The following PRDM5 variants were observed in gnomAD, a reference collection of about 807,000 sequenced individuals.
PRDM5 encodes PR domain zinc finger protein 5.
In PRDM5, 56 loss-of-function variants were observed where a neutral mutation model predicts 81.2. That is an observed-to-expected ratio of 0.69 (90% CI 0.56 to 0.86). PRDM5 has a LOEUF of 0.86. Among genes scored for constraint, PRDM5 ranks in the 40% least tolerant of loss-of-function variants. PRDM5 has a pLI of 0.00. For synonymous variants in PRDM5, 267 were observed against 256.4 expected, an observed-to-expected ratio of 1.04 and a Z score of -0.39; for missense variants, 697 against 770.1, an observed-to-expected ratio of 0.91 and a Z score of 1.12.
Position 120,733,185 on chromosome 4 carries a change from ATTG to A in PRDM5, c.1623+21365_1623+21367del, listed in dbSNP as rs777254011. 9.2e-5 allele frequency among the ~76,000 whole-genome samples: 14 copies of A among 152,292 alleles called. No homozygotes were observed. In the East Asian group the frequency reaches 1.5e-3, roughly 17 times the overall value. On this transcript the variant is annotated intron_variant, in intron 14 of 15. Coordinates refer to ENST00000264808, the MANE Select transcript of PRDM5 (RefSeq NM_018699.4). ...CAGTAAAGAGGGAACACCTAGTCTT[ATTG>A]TTCATTTTATTACTCCATTCTCTCA... is the stretch of plus-strand genomic sequence containing the variant.
rs1734359991 is a variant in PRDM5 at position 120,695,078 on chromosome 4, C to T, written c.*33G>A. 1 of 1,598,994 alleles carries T rather than the reference C, an allele frequency of 6.3e-7. No homozygotes were observed. The highest frequency in any genetic ancestry group is 1.1e-5 in the South Asian group (1 of 90,738). The stretch of plus-strand genomic sequence containing the variant: ...AAATCTGGGATTCATATTAGGAGCC[C>T]TTCTGAATAGTTTAATTCCTTTACA... On this transcript the variant is annotated 3_prime_UTR_variant, in exon 16 of 16. Transcript: ENST00000264808.
At chr4:120,747,842 C>T (rs1410501343) in intron 14 of PRDM5, among the ~76,000 whole-genome samples, 1 of 152,184 alleles carries the variant, frequency 6.6e-6, no homozygotes, top group Non-Finnish European at 1.5e-5. Context: ...AAACTTGAAA[C>T]CTGTATAAGT....
At chr4:120,744,249 C>A (rs562435461) in intron 14 of PRDM5, among the ~76,000 whole-genome samples, 4 of 152,126 alleles carry the variant, frequency 2.6e-5, no homozygotes, top group Admixed American at 2.0e-4. Flanking sequence ...AAAGACACAA[C>A]TTACCAGAAT....
intron 2 of PRDM5, among the ~76,000 whole-genome samples, chr4:120,854,136 T>C (rs1325635773): frequency 2.0e-5 from 3 of 152,212 alleles, no homozygotes; most frequent in African/African-American, 7.2e-5. Context: ...TGGTGGGCTC[T>C]CTGATTTTTG....
At chr4:120,766,910 A>G (rs937269298) in intron 13 of PRDM5, among the ~76,000 whole-genome samples, 20 of 152,330 alleles carry the variant, frequency 1.3e-4, no homozygotes, top group African/African-American at 4.8e-4. Flanking sequence ...GAATGAATGG[A>G]CTTTAGAAGG....
At chr4:120,738,593 T>C (rs1741451857) in intron 14 of PRDM5, among the ~76,000 whole-genome samples, 1 of 152,188 alleles carries the variant, frequency 6.6e-6, no homozygotes, top group African/African-American at 2.4e-5. Flanking sequence ...CAACTGATAG[T>C]ATATTTTTTT....
chr4:120,736,310 A>G (rs1741122983), intron 14 of PRDM5, among the ~76,000 whole-genome samples: 1 of 151,872 alleles, frequency 6.6e-6, no homozygotes, highest in South Asian at 2.1e-4. Flanking sequence ...GCTATTGTGA[A>G]TAGTGCTGCA....
chr4:120,699,157 T>C (rs1560888866), intron 15 of PRDM5, among the ~76,000 whole-genome samples: 1 of 82,882 alleles, frequency 1.2e-5, no homozygotes, highest in Non-Finnish European at 2.3e-5. Context: ...TTATAGGAAA[T>C]ATAAATATAT....
chr4:120,734,481 C>T (rs1465220607), intron 14 of PRDM5, among the ~76,000 whole-genome samples: 1 of 151,892 alleles, frequency 6.6e-6, no homozygotes, highest in African/African-American at 2.4e-5. Flanking sequence ...GCCTGGCAAA[C>T]ACTAGCCTAA....
At chr4:120,792,448 AC>A (rs1351545624) in intron 10 of PRDM5, among the ~76,000 whole-genome samples, 2 of 152,124 alleles carry the variant, frequency 1.3e-5, no homozygotes, top group Non-Finnish European at 2.9e-5. Flanking sequence ...AACTATTGGA[AC>A]CCCTGTATAC....
chr4:120,686,388 G>A (rs1733833898), intron 1 of PRDM5, among the ~76,000 whole-genome samples: 1 of 152,050 alleles, frequency 6.6e-6, no homozygotes, highest in Non-Finnish European at 1.5e-5. Flanking sequence ...TAAAATTGAT[G>A]TGTTACATTG....
rs556210559 is a variant in PRDM5 at position 120,693,951 on chromosome 4, G to A, written c.*1160C>T. ...AATATAACCTAAAGGAAGAAATTAT[G>A]CTTCTTGCTTCAATTTCCCTTAAGC... On this transcript the variant is annotated 3_prime_UTR_variant, in exon 16 of 16. Coordinates refer to ENST00000264808, the MANE Select transcript of PRDM5 (RefSeq NM_018699.4). 4 of 152,160 alleles carry A rather than the reference G, an allele frequency of 2.6e-5. No individual in the cohort carries two copies. In the South Asian group the frequency reaches 8.3e-4, roughly 32 times the overall value. 9.4% of individuals were successfully genotyped at this position (152,160 alleles called of 1,614,324 possible). A position where few individuals can be genotyped will look rare whatever the true frequency, so the allele number is the denominator to read the frequency against.
At chr4:120,736,257 C>T (rs1461448650) in intron 14 of PRDM5, among the ~76,000 whole-genome samples, 5 of 149,086 alleles carry the variant, frequency 3.4e-5, no homozygotes, top group African/African-American at 1.2e-4. Context: ...TTTTCTTTAT[C>T]CAATCATCTG....
chr4:120,861,068 T>C (rs1760513873), intron 2 of PRDM5, among the ~76,000 whole-genome samples: 2 of 152,122 alleles, frequency 1.3e-5, no homozygotes, highest in South Asian at 4.1e-4. Flanking sequence ...AGTGCAGAGG[T>C]GCAATCTTGG....
rs566848050 is a variant in PRDM5 at position 120,711,897 on chromosome 4, T to A, written c.1624-1484A>T. Among the ~76,000 whole-genome samples the A allele has an allele frequency of 6.6e-5, 10 of 152,294 alleles. No homozygotes were observed. The East Asian group carries it at 1.7e-3, about 26-fold the overall frequency. ...TCCATTCCAACAGCTTGCAAGTTAC[T>A]ACTTAGTGCATCATCAAAAAGTTTC... On this transcript the variant is annotated intron_variant, in intron 14 of 15. Transcript: ENST00000264808.
chr4:120,769,579 A>T (rs1230703251), intron 13 of PRDM5, among the ~76,000 whole-genome samples: 1 of 152,182 alleles, frequency 6.6e-6, no homozygotes, highest in Non-Finnish European at 1.5e-5. Context: ...TTTAAGTAGG[A>T]TAATAAAATG....
chr4:120,740,826 C>G (rs1578541679), intron 14 of PRDM5, among the ~76,000 whole-genome samples: 1 of 152,192 alleles, frequency 6.6e-6, no homozygotes, highest in African/African-American at 2.4e-5. Flanking sequence ...TACTCAAAAC[C>G]AAACCAAACA....
chr4:120,714,746 C>A (rs1737503964), intron 14 of PRDM5, among the ~76,000 whole-genome samples: 1 of 152,086 alleles, frequency 6.6e-6, no homozygotes, highest in Admixed American at 6.6e-5. Flanking sequence ...TGTTAAAATC[C>A]TGTGACCCCT....
At chr4:120,867,374 C>T (rs958644390) in intron 2 of PRDM5, among the ~76,000 whole-genome samples, 4 of 152,062 alleles carry the variant, frequency 2.6e-5, no homozygotes, top group African/African-American at 9.7e-5. Flanking sequence ...TTTTAAAAAA[C>T]CAAAACATAT....
Sources: gnomAD v4.1 joint callset for allele counts (sites outside exome capture counted in the v4.1 genomes callset) on GRCh38, gnomAD v4.1.1 for gene constraint, MANE v1.5 for transcripts, NCBI Gene and HGNC (gene_info 2026-07-23, HGNC 2026-07-21) for gene names.